FNDC3A: variants seen among roughly 807,000 people sequenced by gnomAD.
FNDC3A encodes the protein fibronectin type-III domain-containing protein 3A.
In FNDC3A, 32 loss-of-function variants were observed where a neutral mutation model predicts 148.9. That is an observed-to-expected ratio of 0.21 (90% CI 0.16 to 0.29). FNDC3A has a LOEUF of 0.29. Ranked by LOEUF, FNDC3A falls within the 10% of genes least tolerant of loss-of-function variation. The pLI is 1.00. For missense variants in FNDC3A, 1,191 were observed against 1,452.8 expected, an observed-to-expected ratio of 0.82 and a Z score of 2.93; for synonymous variants, 472 against 473.6, an observed-to-expected ratio of 1.00 and a Z score of 0.04.
intron 2 of FNDC3A, among the ~76,000 whole-genome samples, chr13:49,055,319 C>T (rs775084347): frequency 2.0e-5 from 3 of 151,934 alleles, no homozygotes; most frequent in Non-Finnish European, 4.4e-5. Flanking sequence ...CCAGTGTAAA[C>T]CAAAAATAAA....
intron 2 of FNDC3A, among the ~76,000 whole-genome samples, chr13:49,058,253 A>T (rs1380886977): frequency 3.3e-5 from 5 of 152,092 alleles, no homozygotes; most frequent in Non-Finnish European, 1.5e-5. Flanking sequence ...AGCAAGCAGG[A>T]GGTATGTGAC....
At chr13:49,000,964 T>TTGTGTG (rs149236388) in intron 1 of FNDC3A, among the ~76,000 whole-genome samples, 33 of 150,118 alleles carry the variant, frequency 2.2e-4, no homozygotes, top group South Asian at 8.5e-4. Flanking sequence ...TTTTGTGTGT[T>TTGTGTG]TGTGTGTGTG....
At chr13:49,032,589 A>G (rs1276650266) in intron 2 of FNDC3A, among the ~76,000 whole-genome samples, 1 of 152,168 alleles carries the variant, frequency 6.6e-6, no homozygotes, top group Non-Finnish European at 1.5e-5. Flanking sequence ...ACAAAAAATT[A>G]GCCGGGTGTG....
chr13:48,980,026 C>T (rs750106927), intron 1 of FNDC3A, among the ~76,000 whole-genome samples: 4 of 151,392 alleles, frequency 2.6e-5, no homozygotes, highest in Admixed American at 2.6e-4. Flanking sequence ...GTGGTTTGGG[C>T]GTTTTATGAC....
intron 3 of FNDC3A, among the ~76,000 whole-genome samples, chr13:49,112,106 G>T (rs1398264094): frequency 6.6e-6 from 1 of 152,090 alleles, no homozygotes; most frequent in South Asian, 2.1e-4. Context: ...TATTCTGATG[G>T]CAAAAGAAAA....
intron 3 of FNDC3A, among the ~76,000 whole-genome samples, chr13:49,102,028 T>C (rs369572426): frequency 6.6e-5 from 10 of 151,948 alleles, no homozygotes. Context: ...ATGTATTTAT[T>C]TATCTCACTG....
intron 6 of FNDC3A, among the ~76,000 whole-genome samples, chr13:49,137,677 A>G (rs566024612): frequency 3.3e-5 from 5 of 152,250 alleles, no homozygotes; most frequent in South Asian, 4.1e-4. Context: ...ACTTGAATCA[A>G]TCTCTATAAG....
intron 8 of FNDC3A, among the ~76,000 whole-genome samples, chr13:49,162,388 C>G (rs530667464): frequency 6.6e-6 from 1 of 152,288 alleles, no homozygotes; most frequent in African/African-American, 2.4e-5. Flanking sequence ...CTTTCTTCCA[C>G]TTGATGGAAT....
intron 2 of FNDC3A, among the ~76,000 whole-genome samples, chr13:49,062,705 T>C (rs1385751887): frequency 1.3e-5 from 2 of 152,208 alleles, no homozygotes; most frequent in Non-Finnish European, 2.9e-5. Flanking sequence ...TGGATGCTTA[T>C]AATGCATTGC....
At chr13:49,115,366 GC>G (rs1880882274) in intron 4 of FNDC3A, among the ~76,000 whole-genome samples, 1 of 152,096 alleles carries the variant, frequency 6.6e-6, no homozygotes, top group East Asian at 1.9e-4. Context: ...TGGTCTGCAC[GC>G]TTTGCCTCAA....
chr13:49,093,009 A>T (rs996302004), intron 3 of FNDC3A, among the ~76,000 whole-genome samples: 2 of 152,200 alleles, frequency 1.3e-5, no homozygotes, highest in African/African-American at 4.8e-5. Context: ...ATACCTAGTT[A>T]TTGGTGGATC....
chr13:49,073,982 A>G (rs899815642), intron 2 of FNDC3A, among the ~76,000 whole-genome samples: 1 of 151,814 alleles, frequency 6.6e-6, no homozygotes, highest in Non-Finnish European at 1.5e-5. Context: ...CAAGGCAGCA[A>G]AGATTTTAAA....
intron 3 of FNDC3A, among the ~76,000 whole-genome samples, chr13:49,075,794 A>T (rs1878053016): frequency 1.0e-5 from 1 of 97,086 alleles, no homozygotes; most frequent in African/African-American, 4.2e-5. Flanking sequence ...CACCCTTATC[A>T]CCACTGCCCC....
At chr13:49,154,381 CTT>C (rs1883523084) in intron 8 of FNDC3A, among the ~76,000 whole-genome samples, 1 of 145,562 alleles carries the variant, frequency 6.9e-6, no homozygotes, top group Non-Finnish European at 1.5e-5. Context: ...TATCCTGAGA[CTT>C]TGCTGAAGTT....
At chr13:49,204,265 A>G (rs1262092556) in intron 25 of FNDC3A, among the ~76,000 whole-genome samples, 1 of 152,318 alleles carries the variant, frequency 6.6e-6, no homozygotes, top group East Asian at 1.9e-4. Context: ...TTTAAAAAGA[A>G]TAAGCTTTTA....
intron 13 of FNDC3A, among the ~76,000 whole-genome samples, chr13:49,177,531 T>G (rs1885090669): frequency 6.6e-6 from 1 of 152,078 alleles, no homozygotes; most frequent in South Asian, 2.1e-4. Context: ...CACCCCTAAG[T>G]ATATACCCAA....
chr13:49,179,993 A>G (rs1463695376), intron 14 of FNDC3A, among the ~76,000 whole-genome samples: 4 of 152,196 alleles, frequency 2.6e-5, no homozygotes, highest in African/African-American at 9.7e-5. Flanking sequence ...ATGTGTGTAT[A>G]TGTTTAGTTT....
chr13:49,026,817 G>A (rs1873748271), intron 2 of FNDC3A, among the ~76,000 whole-genome samples: 1 of 152,130 alleles, frequency 6.6e-6, no homozygotes, highest in African/African-American at 2.4e-5. Context: ...GATATAAGTA[G>A]CCAATAAAGT....
intron 7 of FNDC3A, 141 bp downstream of exon 7, chr13:49,138,946 C>T: frequency 2.2e-6 from 1 of 455,938 alleles, no homozygotes; most frequent in Non-Finnish European, 4.0e-6. Flanking sequence ...TTTTCACTCA[C>T]TATGGTATGC....
Sources: gnomAD v4.1 joint callset for allele counts (sites outside exome capture counted in the v4.1 genomes callset) on GRCh38, gnomAD v4.1.1 for gene constraint, MANE v1.5 for transcripts, NCBI Gene and HGNC (gene_info 2026-07-23, HGNC 2026-07-21) for gene names.